The following CNOT6L variants were observed in gnomAD, a reference collection of about 807,000 sequenced individuals.
CNOT6L encodes CCR4-NOT transcription complex subunit 6 like.
A neutral mutation model predicts 64.0 loss-of-function variants in CNOT6L; 7 were observed. The observed-to-expected ratio is 0.11, with a 90% CI of 0.06 to 0.21. CNOT6L has a LOEUF of 0.21. Among genes scored for constraint, CNOT6L ranks in the 10% least tolerant of loss-of-function variants. CNOT6L has a pLI of 1.00. For synonymous variants in CNOT6L, 193 were observed against 243.4 expected (o/e 0.79, Z 1.93); for missense variants, 245 against 669.0 (o/e 0.37, Z 6.99).
intron 1 of CNOT6L, chr4:77,818,950 CG>C (rs1456218810): frequency 3.1e-6 from 2 of 648,900 alleles, no homozygotes; most frequent in African/African-American, 3.6e-5. Context: ...CCTCCCCGGC[CG>C]GCCCCCTAGG....
chr4:77,774,637 A>G lies in CNOT6L; in HGVS notation c.207T>C (p.Ser69=). 3.1e-6 allele frequency: 5 copies of G among 1,613,716 alleles called. No homozygotes were observed. The highest frequency in any genetic ancestry group is 4.2e-6 in the Non-Finnish European group (5 of 1,179,718). The part of the protein sequence containing the change: ...TALHLNDNYL[S]RIPPDIAKLH... Reference sequence around the variant, plus strand: ...GCTTGGCAATATCAGGTGGAATGCGACTAAGGTAATTGTCATTTAGGTGCA... The same window carrying G: ...GCTTGGCAATATCAGGTGGAATGCGGCTAAGGTAATTGTCATTTAGGTGCA... The change falls in exon 3 of 12, where the codon AGT becomes AGC. Residue 69 remains serine, a synonymous_variant. Transcript: ENST00000504123.
At chr4:77,776,109 G>A (rs545311275) in intron 2 of CNOT6L, among the ~76,000 whole-genome samples, 162 bp downstream of exon 2, 1 of 152,162 alleles carries the variant, frequency 6.6e-6, no homozygotes, top group South Asian at 2.1e-4. Flanking sequence ...TGGAAACAAA[G>A]ATATTCAGTC....
Position 77,795,169 on chromosome 4 carries a change from G to A in CNOT6L, c.6-18777C>T, listed in dbSNP as rs113155394. 5.3e-5 allele frequency among the ~76,000 whole-genome samples: 8 copies of A among 151,706 alleles called. No individual in the cohort carries two copies. The East Asian group carries it at 5.8e-4, about 11-fold the overall frequency. ...TGAGTAGCTGAGATTACAGACATGC[G>A]CCACCACGGCTGGCTAATTTTGTAT... On this transcript the variant is annotated intron_variant, in intron 1 of 11. Transcript: ENST00000504123.
chr4:77,717,480 G>A lies in CNOT6L; in HGVS notation c.*2951C>T, dbSNP rs2109835375. 6.6e-6 allele frequency: 1 copy of A among 152,350 alleles called. No individual in the cohort carries two copies. The highest frequency in any genetic ancestry group is 1.5e-5 in the Non-Finnish European group (1 of 67,954). The allele number at this position is 152,350 out of a possible 1,614,324, so 9.4% of individuals were successfully genotyped here. ...AAAACATGTATCACATTCTAAAAAT[G>A]CCCAGATTTTCTTTTATCTTCTGAT... is the stretch of plus-strand genomic sequence containing the variant. On this transcript the variant is annotated 3_prime_UTR_variant, in exon 12 of 12. Coordinates refer to ENST00000504123, the MANE Select transcript of CNOT6L (RefSeq NM_144571.3).
intron 5 of CNOT6L, among the ~76,000 whole-genome samples, chr4:77,755,538 T>G (rs1413030832): frequency 3.3e-5 from 5 of 152,164 alleles, no homozygotes; most frequent in African/African-American, 1.2e-4. Context: ...TAAAGTAAGT[T>G]AGAAACAGCA....
At chr4:77,819,442 C>G, upstream of CNOT6L, 1 of 1,575,796 alleles carries the variant, frequency 6.3e-7, no homozygotes, top group African/African-American at 1.4e-5. Context: ...CAGACGCAGA[C>G]GCAAACACAA....
At chr4:77,805,589 T>C (rs886920295) in intron 1 of CNOT6L, among the ~76,000 whole-genome samples, 3 of 152,232 alleles carry the variant, frequency 2.0e-5, no homozygotes, top group Non-Finnish European at 4.4e-5. Flanking sequence ...AATATCTATA[T>C]GTACCAGTAT....
chr4:77,746,978 GTAGTGTTATTAAAATGCAAA>G (rs1462915341), intron 6 of CNOT6L, among the ~76,000 whole-genome samples: 1 of 151,134 alleles, frequency 6.6e-6, no homozygotes, highest in Non-Finnish European at 1.5e-5. Flanking sequence ...ATAATATTTT[GTAGTGTTATTAAAATGCAAA>G]TAGAACCATG....
chr4:77,800,872 G>A (rs1731454901), intron 1 of CNOT6L, among the ~76,000 whole-genome samples: 1 of 152,172 alleles, frequency 6.6e-6, no homozygotes, highest in Non-Finnish European at 1.5e-5. Context: ...ACAAAAGGAT[G>A]TAAAAGAAAG....
intron 9 of CNOT6L, 62 bp downstream of exon 9, chr4:77,731,325 T>G: frequency 1.3e-6 from 2 of 1,518,322 alleles, no homozygotes; most frequent in Non-Finnish European, 9.0e-7. Flanking sequence ...TTCACTTGTT[T>G]TGAGATGGAA....
intron 1 of CNOT6L, among the ~76,000 whole-genome samples, chr4:77,816,442 A>G (rs1733584991): frequency 6.6e-6 from 1 of 152,124 alleles, no homozygotes; most frequent in Non-Finnish European, 1.5e-5. Flanking sequence ...ATGGCAGAAG[A>G]TTCTGTTCAA....
At chr4:77,802,390 T>C (rs1731688014) in intron 1 of CNOT6L, among the ~76,000 whole-genome samples, 1 of 152,216 alleles carries the variant, frequency 6.6e-6, no homozygotes, top group African/African-American at 2.4e-5. Flanking sequence ...GGTTTTAGTC[T>C]TCTTTGTATT....
chr4:77,778,768 G>C (rs1353669382), intron 1 of CNOT6L, among the ~76,000 whole-genome samples: 2 of 151,540 alleles, frequency 1.3e-5, no homozygotes, highest in East Asian at 2.0e-4. Flanking sequence ...GGGCAGGCCG[G>C]GCACGGTGGC....
At chr4:77,784,715 C>T (rs1214625643) in intron 1 of CNOT6L, among the ~76,000 whole-genome samples, 1 of 152,060 alleles carries the variant, frequency 6.6e-6, no homozygotes, top group Non-Finnish European at 1.5e-5. Flanking sequence ...GAACTCCTGG[C>T]CCAAGTGATC....
intron 1 of CNOT6L, among the ~76,000 whole-genome samples, chr4:77,782,583 C>A (rs965859826): frequency 3.3e-5 from 5 of 151,568 alleles, no homozygotes; most frequent in Non-Finnish European, 4.4e-5. Context: ...TCAAGACATC[C>A]TCCTGCCTTG....
chr4:77,767,669 C>T (rs1455525017), intron 4 of CNOT6L, among the ~76,000 whole-genome samples: 3 of 152,090 alleles, frequency 2.0e-5, no homozygotes, highest in Non-Finnish European at 2.9e-5. Context: ...TTAGACCCCT[C>T]ATACTATATT....
chr4:77,726,256 A>C lies in CNOT6L; in HGVS notation c.1366T>G (p.Ser456Ala), dbSNP rs562772355. 4.9e-5 allele frequency: 79 copies of C among 1,613,826 alleles called. No individual in the cohort carries two copies. Among genetic ancestry groups the C allele is most frequent in the Non-Finnish European group, 6.7e-5 (79 of 1,179,788 alleles). Residue 456 changes from serine (S) to alanine (A), a missense_variant, in exon 11 of 12, where the codon TCA becomes GCA. Around this residue, in one of 10 missense-constraint regions of CNOT6L, gnomAD observed 20 missense variants for 38.3 expected, o/e 0.52. Transcript: ENST00000504123. ...AAGCCATGTGTGATTCTCCCTTCTG[A>C]GCTTCCATTCTTTCCATTGCAGCTG... ...NFSCNGKNGS[S>A]EGRITHGFQL...
Position 77,713,656 on chromosome 4 carries a change from C to T in CNOT6L, c.*6775G>A, listed in dbSNP as rs1464558381. The T allele has an allele frequency of 2.0e-5, 3 of 152,500 alleles. No homozygotes were observed. Among genetic ancestry groups the T allele is most frequent in the Admixed American group, 6.6e-5 (1 of 15,264 alleles). 9.4% of individuals were successfully genotyped at this position (152,500 alleles called of 1,614,324 possible). ...ACATTAATGAAAAAATACTACCAACCGTGTCCTTTTGCACGCACACTTTGT... is the reference window on the plus strand; with the variant it reads ...ACATTAATGAAAAAATACTACCAACTGTGTCCTTTTGCACGCACACTTTGT... On this transcript the variant is annotated 3_prime_UTR_variant, in exon 12 of 12. Coordinates refer to ENST00000504123, the MANE Select transcript of CNOT6L (RefSeq NM_144571.3).
intron 7 of CNOT6L, among the ~76,000 whole-genome samples, chr4:77,743,017 T>G (rs1723761454): frequency 6.6e-6 from 1 of 152,132 alleles, no homozygotes; most frequent in South Asian, 2.1e-4. Context: ...TTCATATAAT[T>G]AATGAGTTTT....
Sources: allele counts gnomAD v4.1 joint callset (sites outside exome capture counted in the v4.1 genomes callset), GRCh38; gene constraint gnomAD v4.1.1; regional missense constraint gnomAD v4.1.1; transcripts MANE v1.5; gene names NCBI Gene and HGNC (gene_info 2026-07-23, HGNC 2026-07-21).